The following MOCOS variants were observed in gnomAD, a reference collection of about 807,000 sequenced individuals.
The protein encoded by MOCOS is molybdenum cofactor sulfurase, also known as human molybdenum cofactor sulfurase.
In MOCOS, 86 loss-of-function variants were observed where a neutral mutation model predicts 83.6. The ratio of observed to expected loss-of-function variants is 1.03; its 90% CI spans 0.86 to 1.23. The LOEUF is 1.23. Among genes scored for constraint, MOCOS ranks in the 50% most tolerant of loss-of-function variants. The pLI, the probability that MOCOS is intolerant of heterozygous loss-of-function variation, is 0.00. For missense variants in MOCOS, 1,120 were observed against 1,126.9 expected (o/e 0.99, Z 0.09); for synonymous variants, 445 against 434.7 (o/e 1.02, Z -0.29).
intron 9 of MOCOS, among the ~76,000 whole-genome samples, chr18:36,222,641 G>A (rs1029079836): frequency 1.4e-5 from 2 of 144,086 alleles, no homozygotes; most frequent in Non-Finnish European, 3.0e-5. Flanking sequence ...TCGCTCTGTC[G>A]CCCAGGCTGG....
In MOCOS at chr18:36,196,899, A is replaced by AT. The variant is rs1166646598; in HGVS notation, c.232+1553_232+1554insT. Among the ~76,000 whole-genome samples, 5 of 152,222 alleles carry AT rather than the reference A, an allele frequency of 3.3e-5. No individual in the cohort carries two copies. In the East Asian group the frequency reaches 7.8e-4, roughly 24 times the overall value. ...TCAGTGTATTTTGGAGGAAAAAAAA[A>AT]GTCTAAAACTAAAGGGCAAATTCTG... On this transcript the variant is annotated intron_variant, in intron 2 of 14. Transcript: ENST00000261326.
chr18:36,215,447 G>T, intron 7 of MOCOS, 69 bp from the exon 8 acceptor site: 1 of 1,431,202 alleles, frequency 7.0e-7, no homozygotes, highest in Non-Finnish European at 9.7e-7. Flanking sequence ...AATTTATTTT[G>T]CCGAACTGTT....
Position 36,199,565 on chromosome 18 carries a change from G to A in MOCOS, c.300-118G>A, listed in dbSNP as rs115787780. 1.5e-3 allele frequency: 2,318 copies of A among 1,529,534 alleles called. 32 individuals carry two copies. The African/African-American group carries it at 0.028, about 19-fold the overall frequency. 94.7% of individuals were successfully genotyped at this position (1,529,534 alleles called of 1,614,324 possible). ...CCCTCGCCCTAATTTCGCAGCTGTG[G>A]CAAACCTATCTATCCATTAAGGTAG... On this transcript the variant is annotated intron_variant, in intron 3 of 14. Transcript: ENST00000261326.
At position 36,249,037 on chromosome 18, in the gene MOCOS, T is replaced by C. The variant is rs1303159746; in HGVS notation, c.2039+37T>C. 5 of 1,576,010 alleles carry C rather than the reference T, an allele frequency of 3.2e-6. No homozygotes were observed. In the East Asian group the frequency reaches 1.1e-4, roughly 35 times the overall value. On this transcript the variant is annotated intron_variant, in intron 10 of 14. Transcript: ENST00000261326. ...AAGCACGTGAAAATCTCAGCTTTATTGACAGGCTGGCACAGAGGGGGAAGA... is the reference window on the plus strand; with the variant it reads ...AAGCACGTGAAAATCTCAGCTTTATCGACAGGCTGGCACAGAGGGGGAAGA...
chr18:36,222,174 A>G (rs1199980656), intron 9 of MOCOS, among the ~76,000 whole-genome samples: 2 of 152,238 alleles, frequency 1.3e-5, no homozygotes, highest in Non-Finnish European at 2.9e-5. Context: ...GCTATTGGAA[A>G]TAGAGCTGCA....
intron 9 of MOCOS, among the ~76,000 whole-genome samples, chr18:36,239,082 T>C (rs1340437705): frequency 1.3e-5 from 2 of 149,978 alleles, no homozygotes; most frequent in Non-Finnish European, 3.0e-5. Context: ...TCTTGACTCT[T>C]TATCCAATTT....
chr18:36,249,049 A>G lies in MOCOS; in HGVS notation c.2039+49A>G, dbSNP rs775866557. 41 of 1,510,960 alleles carry G rather than the reference A, an allele frequency of 2.7e-5. No individual in the cohort carries two copies. In the Admixed American group the frequency reaches 6.7e-4, roughly 25 times the overall value. The allele number at this position is 1,510,960 out of a possible 1,614,324, so 93.6% of individuals were successfully genotyped here. ...ATCTCAGCTTTATTGACAGGCTGGCACAGAGGGGGAAGAGGGTAATGCCCT... is the reference window on the plus strand; with the variant it reads ...ATCTCAGCTTTATTGACAGGCTGGCGCAGAGGGGGAAGAGGGTAATGCCCT... On this transcript the variant is annotated intron_variant, in intron 10 of 14. Transcript: ENST00000261326.
intron 7 of MOCOS, among the ~76,000 whole-genome samples, chr18:36,214,268 G>GAAAA: frequency 7.4e-6 from 1 of 134,904 alleles, no homozygotes; most frequent in South Asian, 2.3e-4. Context: ...AAAAAGAAAA[G>GAAAA]AAAAAAAAGA....
chr18:36,216,012 C>A (rs1483962236), intron 8 of MOCOS, 35 bp downstream of exon 8: 5 of 1,562,108 alleles, frequency 3.2e-6, no homozygotes, highest in Non-Finnish European at 4.4e-6. Context: ...AAAGTCTTCT[C>A]TTTGTTTACT....
intron 4 of MOCOS, 64 bp from the exon 5 acceptor site, chr18:36,203,049 C>G: frequency 6.0e-6 from 9 of 1,488,498 alleles, no homozygotes; most frequent in Non-Finnish European, 8.4e-6. Context: ...CATTATATAC[C>G]ACGAAATGCA....
At chr18:36,212,625 G>T (rs1373931572) in intron 6 of MOCOS, among the ~76,000 whole-genome samples, 1 of 152,194 alleles carries the variant, frequency 6.6e-6, no homozygotes, top group Non-Finnish European at 1.5e-5. Flanking sequence ...CAGAGGAGAT[G>T]GCCAAAGTGA....
At chr18:36,227,257 G>C (rs1392488503) in intron 9 of MOCOS, among the ~76,000 whole-genome samples, 1 of 151,860 alleles carries the variant, frequency 6.6e-6, no homozygotes, top group Non-Finnish European at 1.5e-5. Context: ...TAAGAGATGT[G>C]GTCTCACTCT....
At chr18:36,212,961 T>G (rs2091460634) in intron 6 of MOCOS, among the ~76,000 whole-genome samples, 1 of 152,176 alleles carries the variant, frequency 6.6e-6, no homozygotes, top group African/African-American at 2.4e-5. Flanking sequence ...CCCAGAGCCT[T>G]CAGAGGGCAG....
intron 9 of MOCOS, among the ~76,000 whole-genome samples, chr18:36,248,310 A>G (rs950541981): frequency 1.3e-5 from 2 of 151,866 alleles, no homozygotes; most frequent in Admixed American, 6.6e-5. Context: ...GTTTTTTTTC[A>G]CTGTTGAGTT....
chr18:36,222,908 A>G (rs1405224078), intron 9 of MOCOS, among the ~76,000 whole-genome samples: 2 of 152,040 alleles, frequency 1.3e-5, no homozygotes, highest in African/African-American at 4.8e-5. Context: ...CCACTAACCC[A>G]TTTTTAAATT....
At chr18:36,226,481 T>C (rs1010779514) in intron 9 of MOCOS, among the ~76,000 whole-genome samples, 1 of 152,110 alleles carries the variant, frequency 6.6e-6, no homozygotes, top group South Asian at 2.1e-4. Flanking sequence ...TATGCTTCTT[T>C]TTTTTTATTC....
intron 9 of MOCOS, among the ~76,000 whole-genome samples, chr18:36,223,849 A>C (rs776733902): frequency 1.3e-5 from 2 of 152,052 alleles, no homozygotes; most frequent in Non-Finnish European, 2.9e-5. Flanking sequence ...CTTTTAAAAG[A>C]GATTTAGGGT....
At chr18:36,247,281 T>A (rs905038347) in intron 9 of MOCOS, among the ~76,000 whole-genome samples, 1 of 152,216 alleles carries the variant, frequency 6.6e-6, no homozygotes, top group Non-Finnish European at 1.5e-5. Flanking sequence ...GCTACAAGCC[T>A]CCTGCTGAGA....
intron 9 of MOCOS, among the ~76,000 whole-genome samples, chr18:36,242,975 A>T (rs1056898690): frequency 3.9e-5 from 6 of 152,094 alleles, no homozygotes; most frequent in African/African-American, 1.4e-4. Flanking sequence ...TTTTCCTTGT[A>T]GGTATCTTTT....
Sources: allele counts gnomAD v4.1 joint callset (sites outside exome capture counted in the v4.1 genomes callset), GRCh38; gene constraint gnomAD v4.1.1; transcripts MANE v1.5; gene names NCBI Gene and HGNC (gene_info 2026-07-23, HGNC 2026-07-21).